NTM: variants seen among roughly 807,000 people sequenced by gnomAD.
NTM encodes the protein IgLON family member 2.
NTM carries 13 observed loss-of-function variants against 42.1 expected under a neutral mutation model. The observed-to-expected ratio is 0.31, with a 90% CI of 0.20 to 0.49. The LOEUF (loss-of-function observed/expected upper bound fraction) is 0.49. Ranked by LOEUF, NTM falls within the 20% of genes least tolerant of loss-of-function variation. The pLI, the probability that NTM is intolerant of heterozygous loss-of-function variation, is 0.99. For synonymous variants in NTM, 187 were observed against 179.2 expected, an observed-to-expected ratio of 1.04 and a Z score of -0.35; for missense variants, 373 against 452.8, an observed-to-expected ratio of 0.82 and a Z score of 1.60.
At chr11:131,396,632 G>A (rs1055996167) in intron 1 of NTM, among the ~76,000 whole-genome samples, 6 of 152,014 alleles carry the variant, frequency 3.9e-5, no homozygotes, top group African/African-American at 1.5e-4. Flanking sequence ...TCAGGAGTTC[G>A]AGACCAACCG....
At chr11:131,616,908 G>T (rs975377803) in intron 1 of NTM, among the ~76,000 whole-genome samples, 3 of 152,004 alleles carry the variant, frequency 2.0e-5, no homozygotes, top group Non-Finnish European at 4.4e-5. Flanking sequence ...TATGGCAAAT[G>T]GGTTTTGATT....
chr11:131,682,820 C>G (rs913507326), intron 1 of NTM, among the ~76,000 whole-genome samples: 2 of 152,162 alleles, frequency 1.3e-5, no homozygotes, highest in South Asian at 2.1e-4. Flanking sequence ...AGAGAGGGGC[C>G]GACCCAGTAC....
chr11:131,814,386 C>T (rs1022329883), intron 1 of NTM, among the ~76,000 whole-genome samples: 2 of 152,148 alleles, frequency 1.3e-5, no homozygotes, highest in Non-Finnish European at 2.9e-5. Context: ...TAGGTGCCTC[C>T]CCAGCTGGTC....
chr11:131,866,062 C>T (rs1386508706), intron 1 of NTM, among the ~76,000 whole-genome samples: 1 of 148,932 alleles, frequency 6.7e-6, no homozygotes, highest in Middle Eastern at 3.2e-3. Flanking sequence ...ACACTACACA[C>T]ACACCCCACA....
intron 1 of NTM, among the ~76,000 whole-genome samples, chr11:131,873,546 A>G (rs2048030568): frequency 1.9e-5 from 1 of 51,682 alleles, no homozygotes; most frequent in African/African-American, 4.6e-5. Context: ...GTGTATATAT[A>G]TACATATATA....
intron 1 of NTM, among the ~76,000 whole-genome samples, chr11:131,822,736 T>C (rs2093243727): frequency 6.6e-6 from 1 of 152,192 alleles, no homozygotes. Context: ...TCCCATTGCT[T>C]AATGATATTC....
At chr11:131,998,258 CGT>C (rs2068461992) in intron 2 of NTM, among the ~76,000 whole-genome samples, 1 of 152,132 alleles carries the variant, frequency 6.6e-6, no homozygotes, top group African/African-American at 2.4e-5. Context: ...TATGGGGACT[CGT>C]AAAAGCTGCG....
chr11:131,825,854 A>G (rs2042066554), intron 1 of NTM, among the ~76,000 whole-genome samples: 1 of 152,230 alleles, frequency 6.6e-6, no homozygotes, highest in South Asian at 2.1e-4. Flanking sequence ...TTCAGTCTTG[A>G]CTATGAAGAG....
chr11:131,867,866 G>A (rs2047383991), intron 1 of NTM, among the ~76,000 whole-genome samples: 3 of 152,310 alleles, frequency 2.0e-5, no homozygotes, highest in Admixed American at 6.5e-5. Flanking sequence ...AGCAGATGGA[G>A]CTGAAGGTAC....
intron 1 of NTM, among the ~76,000 whole-genome samples, chr11:131,814,403 C>T (rs570939350): frequency 6.6e-5 from 10 of 152,270 alleles, no homozygotes; most frequent in African/African-American, 9.6e-5. Context: ...GGTCCTTTGC[C>T]GAACCAGATT....
At chr11:131,887,829 A>G (rs1208530430) in intron 1 of NTM, among the ~76,000 whole-genome samples, 1 of 152,216 alleles carries the variant, frequency 6.6e-6, no homozygotes, top group East Asian at 1.9e-4. Flanking sequence ...GGCTTATCAG[A>G]TGATTATGAT....
chr11:131,630,067 C>T (rs929680873), intron 1 of NTM, among the ~76,000 whole-genome samples: 2 of 152,076 alleles, frequency 1.3e-5, no homozygotes, highest in Admixed American at 1.3e-4. Context: ...GAGCATAAGC[C>T]AACTGTTTTA....
intron 1 of NTM, chr11:131,538,222 A>C (rs2052585390): frequency 6.6e-6 from 1 of 152,198 alleles, no homozygotes; most frequent in Non-Finnish European, 1.5e-5. Context: ...CCAGCAATGC[A>C]CAGGACTGTA....
At chr11:132,171,809 A>G (rs1161231074) in intron 3 of NTM, among the ~76,000 whole-genome samples, 2 of 152,242 alleles carry the variant, frequency 1.3e-5, no homozygotes, top group Non-Finnish European at 2.9e-5. Flanking sequence ...AAACAAATGC[A>G]GGAAAAACAG....
intron 2 of NTM, among the ~76,000 whole-genome samples, chr11:131,984,290 T>C (rs2065729304): frequency 6.6e-6 from 1 of 152,224 alleles, no homozygotes; most frequent in Non-Finnish European, 1.5e-5. Context: ...CTGAAAAGAT[T>C]GCCACCCCTT....
intron 1 of NTM, among the ~76,000 whole-genome samples, chr11:131,651,376 C>T (rs947009217): frequency 6.6e-6 from 1 of 152,198 alleles, no homozygotes; most frequent in Non-Finnish European, 1.5e-5. Flanking sequence ...ATTAGCTACT[C>T]ATTGTTATCT....
chr11:131,589,980 A>T (rs2059226813), intron 1 of NTM, among the ~76,000 whole-genome samples: 1 of 152,240 alleles, frequency 6.6e-6, no homozygotes, highest in African/African-American at 2.4e-5. Flanking sequence ...ACATGCCAGG[A>T]TCCTCCTAAA....
intron 1 of NTM, among the ~76,000 whole-genome samples, chr11:131,680,095 A>G (rs1461990947): frequency 1.3e-5 from 2 of 152,076 alleles, no homozygotes; most frequent in African/African-American, 4.8e-5. Context: ...GGTGACTGCA[A>G]GATGTGAACC....
At chr11:131,405,015 T>C (rs368244186) in intron 1 of NTM, among the ~76,000 whole-genome samples, 1 of 152,120 alleles carries the variant, frequency 6.6e-6, no homozygotes, top group Non-Finnish European at 1.5e-5. Context: ...AAAACAACAA[T>C]TAAGGGCTTT....
Sources: gnomAD v4.1 joint callset for allele counts (sites outside exome capture counted in the v4.1 genomes callset) on GRCh38, gnomAD v4.1.1 for gene constraint, MANE v1.5 for transcripts, NCBI Gene and HGNC (gene_info 2026-07-23, HGNC 2026-07-21) for gene names.